Variants in CEP295 observed in about 807,000 individuals in gnomAD.
The protein encoded by CEP295 is centrosomal protein of 295 kDa.
CEP295 carries 190 observed loss-of-function variants against 291.6 expected under a neutral mutation model. The ratio of observed to expected loss-of-function variants is 0.65; its 90% CI spans 0.58 to 0.73. The LOEUF is 0.73. Among genes scored for constraint, CEP295 ranks in the 30% least tolerant of loss-of-function variants. The pLI, the probability that CEP295 is intolerant of heterozygous loss-of-function variation, is 0.00. For synonymous variants in CEP295, 993 were observed against 1,038.8 expected (o/e 0.96, Z 0.85); for missense variants, 2,863 against 2,949.4 (o/e 0.97, Z 0.68).
intron 17 of CEP295, 129 bp downstream of exon 17, chr11:93,703,048 C>G: frequency 1.3e-6 from 1 of 753,102 alleles, no homozygotes; most frequent in South Asian, 2.1e-5. Context: ...ACTGAAACCT[C>G]TGCCTTCTGG....
chr11:93,687,671 T>G lies in CEP295; in HGVS notation c.1142T>G (p.Ile381Ser). The G allele has an allele frequency of 6.5e-7, 1 of 1,536,026 alleles. No individual in the cohort carries two copies. Among genetic ancestry groups the G allele is most frequent in the African/African-American group, 1.4e-5 (1 of 72,666 alleles). ...DVPLVMKTQQIPSKVLFKKLL... is the reference protein window; with the variant it reads ...DVPLVMKTQQSPSKVLFKKLL... The stretch of plus-strand genomic sequence containing the variant: ...CCCTTGGTAATGAAGACCCAACAGA[T>G]TCCTTCAAAAGTTCTTTTTAAAAAA... Residue 381 changes from isoleucine to serine, a missense_variant, in exon 10 of 30, where the codon ATT becomes AGT. Physicochemically the swap from Ile to Ser is moderately radical, Grantham distance 142. Transcript: ENST00000325212.
intron 12 of CEP295, among the ~76,000 whole-genome samples, chr11:93,694,804 A>G (rs1591050682): frequency 6.6e-6 from 1 of 152,180 alleles, no homozygotes; most frequent in Non-Finnish European, 1.5e-5. Context: ...TCTATTTAAG[A>G]TTTTCTGGCT....
intron 22 of CEP295, 103 bp downstream of exon 22, chr11:93,724,478 C>T (rs923410573): frequency 1.8e-5 from 21 of 1,184,650 alleles, no homozygotes; most frequent in African/African-American, 3.1e-5. Context: ...CCTAGAATCA[C>T]ATGGAAGTCT....
At chr11:93,715,620 C>G (rs1013041680) in intron 18 of CEP295, among the ~76,000 whole-genome samples, 3 of 152,024 alleles carry the variant, frequency 2.0e-5, no homozygotes, top group African/African-American at 7.2e-5. Flanking sequence ...CATCATGTCT[C>G]AGAGTCTCAC....
At position 93,687,862 on chromosome 11, in the gene CEP295, C is replaced by A; in HGVS notation, c.1333C>A (p.Gln445Lys). 6.5e-7 allele frequency: 1 copy of A among 1,543,556 alleles called. No individual in the cohort carries two copies. The highest frequency in any genetic ancestry group is 8.8e-7 in the Non-Finnish European group (1 of 1,142,748). ...GAGAACGTTATCCTCTGGGCAGGAA[C>A]AAGGTATTTCTCTCCAAGAGTCTCA... The part of the protein sequence containing the change: ...KERTLSSGQE[Q>K]VVESDTLTIE... Residue 445 changes from glutamine to lysine, a missense_variant, in exon 10 of 30, where the codon CAA becomes AAA. Transcript: ENST00000325212.
At chr11:93,681,202 A>G (rs957449428) in intron 7 of CEP295, among the ~76,000 whole-genome samples, 6 of 151,056 alleles carry the variant, frequency 4.0e-5, no homozygotes, top group Non-Finnish European at 8.8e-5. Context: ...TCTCAGGCAG[A>G]TTAGTTAACC....
rs1490413809 is a variant in CEP295, at chr11:93,695,498, T to C, written c.1535T>C (p.Ile512Thr). The part of the protein sequence containing the change: ...RIRMSARQKQ[I>T]MEIEEQKQKQ... Reference sequence around the variant, plus strand: ...GATCAATAGTATTTTGTTACCTAGATAATGGAAATAGAAGAGCAGAAGCAA... The same window carrying C: ...GATCAATAGTATTTTGTTACCTAGACAATGGAAATAGAAGAGCAGAAGCAA... Residue 512 changes from isoleucine to threonine, a missense_variant and splice_region_variant, in exon 13 of 30, where the codon ATA becomes ACA. By Grantham distance (89) the Ile-to-Thr change is moderately conservative. Coordinates refer to ENST00000325212, the MANE Select transcript of CEP295 (RefSeq NM_033395.2). 1 of 1,445,104 alleles carries C rather than the reference T, an allele frequency of 6.9e-7. No homozygotes were observed. The highest frequency in any genetic ancestry group is 9.0e-7 in the Non-Finnish European group (1 of 1,106,124). The allele number at this position is 1,445,104 out of a possible 1,614,324, so 89.5% of individuals were successfully genotyped here. A position where few individuals can be genotyped will look rare whatever the true frequency, so the allele number is the denominator to read the frequency against.
chr11:93,672,291 T>C (rs972141087), intron 5 of CEP295, among the ~76,000 whole-genome samples: 4 of 152,212 alleles, frequency 2.6e-5, no homozygotes, highest in Non-Finnish European at 5.9e-5. Context: ...CCATAATCTT[T>C]TCATAGGTCT....
rs759526175 is a variant in CEP295 at position 93,724,282 on chromosome 11, T to C, written c.6225T>C (p.His2075=). 3.9e-6 allele frequency: 6 copies of C among 1,550,598 alleles called. No homozygotes were observed. The South Asian group carries it at 7.2e-5, about 19-fold the overall frequency. Residue 2075 remains histidine (H), a synonymous_variant, in exon 22 of 30, where the codon CAT becomes CAC. Coordinates refer to ENST00000325212, the MANE Select transcript of CEP295 (RefSeq NM_033395.2). ...QELEHIFPNL[H]HQLFKPLEPH... Reference sequence around the variant, plus strand: ...TGGAACACATTTTTCCTAATTTGCATCATCAGCTGTTTAAACCCTTAGAAC... The same window carrying C: ...TGGAACACATTTTTCCTAATTTGCACCATCAGCTGTTTAAACCCTTAGAAC...
chr11:93,702,413 A>G, intron 15 of CEP295, 47 bp from the exon 16 acceptor site: 1 of 1,308,378 alleles, frequency 7.6e-7, no homozygotes, highest in East Asian at 2.6e-5. Flanking sequence ...AATGCTTCAC[A>G]TGATCCCCCA....
At chr11:93,669,958 G>T (rs1251398227) in intron 5 of CEP295, among the ~76,000 whole-genome samples, 188 bp downstream of exon 5, 1 of 152,020 alleles carries the variant, frequency 6.6e-6, no homozygotes. Context: ...AAATACTTTA[G>T]TATGTATCTC....
At chr11:93,667,869 A>G (rs1046647857) in intron 3 of CEP295, 62 bp downstream of exon 3, 6 of 1,128,450 alleles carry the variant, frequency 5.3e-6, no homozygotes, top group Non-Finnish European at 5.0e-6. Context: ...AGTAAATTAT[A>G]GTTGTTGAAT....
intron 5 of CEP295, among the ~76,000 whole-genome samples, chr11:93,674,813 T>G (rs991489007): frequency 6.6e-6 from 1 of 152,250 alleles, no homozygotes; most frequent in East Asian, 1.9e-4. Context: ...TCGTTAGAAC[T>G]TCTAGTTAGA....
At chr11:93,691,112 G>T (rs1331508414) in intron 10 of CEP295, among the ~76,000 whole-genome samples, 1 of 152,070 alleles carries the variant, frequency 6.6e-6, no homozygotes, top group African/African-American at 2.4e-5. Context: ...ATAATTATAA[G>T]ATGGTTCTGC....
In CEP295 at chr11:93,695,698, C is replaced by T. The variant is rs564151807; in HGVS notation, c.1671+64C>T. ...GGTAAGGGGGGCAAGAAAATATGAG[C>T]ACTTGTAGCGTTTAGAAAAGTAAAA... On this transcript the variant is annotated intron_variant, in intron 13 of 29. Coordinates refer to ENST00000325212, the MANE Select transcript of CEP295 (RefSeq NM_033395.2). 4.1e-6 allele frequency: 6 copies of T among 1,462,982 alleles called. No homozygotes were observed. The African/African-American group carries it at 4.4e-5, about 11-fold the overall frequency. The allele number at this position is 1,462,982 out of a possible 1,614,324, so 90.6% of individuals were successfully genotyped here. A position where few individuals can be genotyped will look rare whatever the true frequency, so the allele number is the denominator to read the frequency against.
At chr11:93,676,040 T>C (rs2134878335) in intron 6 of CEP295, among the ~76,000 whole-genome samples, 1 of 152,188 alleles carries the variant, frequency 6.6e-6, no homozygotes, top group African/African-American at 2.4e-5. Flanking sequence ...CATTATAACC[T>C]TTATTTAAAT....
At chr11:93,673,849 G>A (rs1159185029) in intron 5 of CEP295, among the ~76,000 whole-genome samples, 10 of 151,942 alleles carry the variant, frequency 6.6e-5, no homozygotes, top group Admixed American at 2.6e-4. Flanking sequence ...GATTTAATTC[G>A]TTTGGTGTGG....
intron 17 of CEP295, among the ~76,000 whole-genome samples, chr11:93,703,567 A>G (rs1473443659): frequency 6.7e-6 from 1 of 149,022 alleles, no homozygotes; most frequent in Non-Finnish European, 1.5e-5. Context: ...CTTTTAGGAT[A>G]CACTCAGGTT....
intron 5 of CEP295, 34 bp downstream of exon 5, chr11:93,669,804 ATTC>A: frequency 6.8e-6 from 9 of 1,326,218 alleles, no homozygotes; most frequent in South Asian, 1.3e-5. Context: ...CTAGGTCATA[ATTC>A]TTCTTTACTA....
Sources: allele counts gnomAD v4.1 joint callset (sites outside exome capture counted in the v4.1 genomes callset), GRCh38; gene constraint gnomAD v4.1.1; transcripts MANE v1.5; gene names NCBI Gene and HGNC (gene_info 2026-07-23, HGNC 2026-07-21).